Variants in SPATA7 observed in about 807,000 individuals in gnomAD.
SPATA7 encodes spermatogenesis associated 7, also known as spermatogenesis-associated protein 7.
A neutral mutation model predicts 51.8 loss-of-function variants in SPATA7; 43 were observed. That is an observed-to-expected ratio of 0.83 (90% CI 0.65 to 1.07). The LOEUF (loss-of-function observed/expected upper bound fraction) is 1.07. Among genes scored for constraint, SPATA7 ranks in the 50% least tolerant of loss-of-function variants. The pLI, the probability that SPATA7 is intolerant of heterozygous loss-of-function variation, is 0.00. For missense variants in SPATA7, 683 were observed against 701.3 expected, an observed-to-expected ratio of 0.97 and a Z score of 0.30; for synonymous variants, 230 against 252.8, an observed-to-expected ratio of 0.91 and a Z score of 0.86.
Position 88,437,994 on chromosome 14 carries a change from GT to G in SPATA7, c.1373del (p.Val458GlufsTer48), listed in dbSNP as rs753697847. 5 of 1,613,830 alleles carry G rather than the reference GT, an allele frequency of 3.1e-6. No homozygotes were observed. The Admixed American group carries it at 5.0e-5, about 16-fold the overall frequency. On this transcript the variant is annotated frameshift_variant, in exon 12 of 12. Coordinates refer to ENST00000393545, the MANE Select transcript of SPATA7 (RefSeq NM_018418.5). LOFTEE classifies it low-confidence loss of function (END_TRUNC). ...AAATGAATTAAAAAATGAAAGTGAAGTAACAATTCAGCAGGAACGTCAACAA... is the reference window on the plus strand; with the variant it reads ...AAATGAATTAAAAAATGAAAGTGAAGAACAATTCAGCAGGAACGTCAACAA... ...EPNELKNESE[V>X]TIQQERQQYQ...
intron 5 of SPATA7, among the ~76,000 whole-genome samples, chr14:88,424,441 C>G (rs556884772): frequency 4.9e-4 from 74 of 152,260 alleles, no homozygotes; most frequent in Non-Finnish European, 7.6e-4. Flanking sequence ...ACATATACTT[C>G]TACCTTTTAA....
chr14:88,402,959 CAA>C (rs56330042), intron 4 of SPATA7, among the ~76,000 whole-genome samples: 663 of 61,970 alleles, frequency 0.011, 2 homozygotes, highest in Admixed American at 0.016. Context: ...AACTCAATAG[CAA>C]AAAAAAAAAA....
At chr14:88,411,181 A>G (rs1423977201) in intron 4 of SPATA7, among the ~76,000 whole-genome samples, 1 of 151,894 alleles carries the variant, frequency 6.6e-6, no homozygotes, top group East Asian at 1.9e-4. Context: ...TGAGGGAAAA[A>G]CCACCTACTC....
chr14:88,396,847 C>G (rs1445466129), intron 4 of SPATA7, among the ~76,000 whole-genome samples: 2 of 150,416 alleles, frequency 1.3e-5, no homozygotes, highest in East Asian at 3.9e-4. Flanking sequence ...GAGAAACTAC[C>G]ATACTATTTT....
At chr14:88,419,771 T>C (rs113683896) in intron 5 of SPATA7, among the ~76,000 whole-genome samples, 5,345 of 152,076 alleles carry the variant, frequency 0.035, 310 homozygotes, top group African/African-American at 0.12. Context: ...GTGATCTGCC[T>C]GCCTCGGCCT....
At chr14:88,452,289 A>T (rs1203777112) in intron 3 of SPATA7, among the ~76,000 whole-genome samples, 1 of 152,194 alleles carries the variant, frequency 6.6e-6, no homozygotes, top group African/African-American at 2.4e-5. Context: ...CAGGTCTTTC[A>T]GCCATGGATA....
chr14:88,407,683 A>G (rs539539853), intron 4 of SPATA7, among the ~76,000 whole-genome samples: 274 of 152,306 alleles, frequency 1.8e-3, no homozygotes, highest in Non-Finnish European at 3.4e-3. Flanking sequence ...GTCTGTGCAC[A>G]TGCCTATGTC....
In SPATA7 at chr14:88,385,716, C is replaced by A. The variant is rs1363129591; in HGVS notation, c.-103C>A. ...GTTTCCCTGCTGCTGCAGCCCCCGT[C>A]GGCTCCTCTTTTCCAGTCCTCCACT... On this transcript the variant is annotated 5_prime_UTR_variant, in exon 1 of 12. Transcript: ENST00000393545. 1.1e-5 allele frequency: 12 copies of A among 1,137,028 alleles called. No homozygotes were observed. The highest frequency in any genetic ancestry group is 1.6e-5 in the Non-Finnish European group (12 of 769,332). 70.4% of individuals were successfully genotyped at this position (1,137,028 alleles called of 1,614,324 possible).
In SPATA7 at chr14:88,426,472, A is replaced by G. The variant is rs754163662; in HGVS notation, c.613A>G (p.Ser205Gly). 2 of 1,614,182 alleles carry G rather than the reference A, an allele frequency of 1.2e-6. No individual in the cohort carries two copies. Among genetic ancestry groups the G allele is most frequent in the East Asian group, 4.5e-5 (2 of 44,878 alleles). ...AGCCCTGTATGGCAGAAGGCCCAGA[A>G]GCACATTCCCAAATTCCCACCGGTT... Reference protein sequence around the residue: ...SGALYGRRPRSTFPNSHRFQL... With the variant: ...SGALYGRRPRGTFPNSHRFQL... The change falls in exon 6 of 12, where the codon AGC becomes GGC. Residue 205 changes from serine to glycine, a missense_variant. Transcript: ENST00000393545.
Position 88,393,392 on chromosome 14 carries a change from G to A in SPATA7, c.95-1G>A. 1 of 1,575,682 alleles carries A rather than the reference G, an allele frequency of 6.3e-7. No homozygotes were observed. Among genetic ancestry groups the A allele is most frequent in the Non-Finnish European group, 8.6e-7 (1 of 1,156,766 alleles). On this transcript the variant is annotated splice_acceptor_variant, in intron 2 of 11. Transcript: ENST00000393545. LOFTEE classifies it high-confidence loss of function. ...TATAATGATTATGTTTTAATTTTTA[G>A]CTTTTTGCACTGACTCCTCTTCTCT...
At chr14:88,456,610 G>A (rs1374601905), downstream of SPATA7, among the ~76,000 whole-genome samples, 1 of 146,774 alleles carries the variant, frequency 6.8e-6, no homozygotes, top group African/African-American at 2.8e-5. Flanking sequence ...GTTCTTTGTA[G>A]ATTCTGGATA....
intron 4 of SPATA7, among the ~76,000 whole-genome samples, chr14:88,463,814 T>A (rs2077333027): frequency 1.3e-5 from 2 of 151,788 alleles, no homozygotes; most frequent in African/African-American, 4.9e-5. Context: ...CAAACTTTGA[T>A]CTGAATTTCC....
At chr14:88,435,339 A>C (rs971224552) in intron 10 of SPATA7, among the ~76,000 whole-genome samples, 3 of 152,186 alleles carry the variant, frequency 2.0e-5, no homozygotes, top group Non-Finnish European at 2.9e-5. Context: ...TAAGGGGTAC[A>C]TGAGATGTTT....
intron 4 of SPATA7, chr14:88,415,898 A>C (rs2076462184): frequency 6.6e-6 from 1 of 152,242 alleles, no homozygotes; most frequent in Admixed American, 6.5e-5. Flanking sequence ...TGAATTTCTC[A>C]TGAATGGCTT....
At chr14:88,435,188 T>TATGAC (rs2140021449) in intron 10 of SPATA7, among the ~76,000 whole-genome samples, 1 of 152,330 alleles carries the variant, frequency 6.6e-6, no homozygotes, top group East Asian at 1.9e-4. Flanking sequence ...AAATGATTAT[T>TATGAC]ATGACTAGCA....
At chr14:88,402,187 G>A (rs1240267254) in intron 4 of SPATA7, among the ~76,000 whole-genome samples, 1 of 152,042 alleles carries the variant, frequency 6.6e-6, no homozygotes, top group Non-Finnish European at 1.5e-5. Flanking sequence ...TTTATGAATT[G>A]GAATAATTAA....
chr14:88,405,717 G>T (rs946276888), intron 4 of SPATA7, among the ~76,000 whole-genome samples: 3 of 152,212 alleles, frequency 2.0e-5, no homozygotes, highest in Non-Finnish European at 4.4e-5. Flanking sequence ...CAGTAGTTCA[G>T]TGTTGGTCAT....
downstream of SPATA7, among the ~76,000 whole-genome samples, chr14:88,441,074 A>T (rs2077175175): frequency 6.6e-6 from 1 of 152,138 alleles, no homozygotes; most frequent in African/African-American, 2.4e-5. Context: ...GAGAACATAC[A>T]ATGTTTGGTT....
intron 4 of SPATA7, among the ~76,000 whole-genome samples, chr14:88,406,289 A>T (rs2076195969): frequency 1.3e-5 from 2 of 152,056 alleles, no homozygotes; most frequent in Admixed American, 6.5e-5. Context: ...ATACTATAAG[A>T]TTCACTGATT....
Sources: allele counts gnomAD v4.1 joint callset (sites outside exome capture counted in the v4.1 genomes callset), GRCh38; gene constraint gnomAD v4.1.1; transcripts MANE v1.5; gene names NCBI Gene and HGNC (gene_info 2026-07-23, HGNC 2026-07-21).